Variants in COL5A2 observed in about 807,000 individuals in gnomAD.
COL5A2 encodes the protein collagen alpha-2(V) chain.
A neutral mutation model predicts 208.2 loss-of-function variants in COL5A2; 23 were observed. The observed-to-expected ratio is 0.11, with a 90% CI of 0.08 to 0.16. COL5A2 has a LOEUF of 0.16. Ranked by LOEUF, COL5A2 falls within the 10% of genes least tolerant of loss-of-function variation. The probability of loss-of-function intolerance (pLI) is 1.00; values close to 1 mark genes in which losing one functional copy is unlikely to be tolerated. For missense variants in COL5A2, 1,590 were observed against 1,956.4 expected, an observed-to-expected ratio of 0.81 and a Z score of 3.53; for synonymous variants, 625 against 628.5, an observed-to-expected ratio of 0.99 and a Z score of 0.08.
intron 16 of COL5A2, among the ~76,000 whole-genome samples, chr2:189,076,153 T>G (rs939936032): frequency 1.3e-5 from 2 of 152,200 alleles, no homozygotes; most frequent in Non-Finnish European, 2.9e-5. Context: ...CATTCCTTCC[T>G]TCAAAAATAC....
At chr2:189,145,536 A>G (rs1178407089) in intron 1 of COL5A2, among the ~76,000 whole-genome samples, 3 of 152,122 alleles carry the variant, frequency 2.0e-5, no homozygotes, top group Non-Finnish European at 4.4e-5. Context: ...AACTTTATGA[A>G]CACAAAAACC....
intron 1 of COL5A2, among the ~76,000 whole-genome samples, chr2:189,203,555 T>C (rs1202318595): frequency 1.3e-5 from 2 of 152,250 alleles, no homozygotes; most frequent in Non-Finnish European, 2.9e-5. Context: ...GAATCTGTCA[T>C]CTGTACTAAG....
At chr2:189,396,795 C>T in the COL5A2 span, among the ~76,000 whole-genome samples, 1 of 151,442 alleles carries the variant, frequency 6.6e-6, no homozygotes, top group African/African-American at 2.4e-5. Flanking sequence ...GAGTTTGAGA[C>T]CAATCTGACC....
At chr2:189,209,371 G>A (rs1209927671) in intron 1 of COL5A2, among the ~76,000 whole-genome samples, 4 of 152,186 alleles carry the variant, frequency 2.6e-5, no homozygotes, top group Non-Finnish European at 5.9e-5. Context: ...GGCTATCCGA[G>A]TGAAGATTGA....
intron 1 of COL5A2, among the ~76,000 whole-genome samples, chr2:189,190,375 T>C (rs1440531043): frequency 6.6e-6 from 1 of 152,196 alleles, no homozygotes; most frequent in Non-Finnish European, 1.5e-5. Context: ...TTCACTTCCA[T>C]AATTTTGGAA....
At chr2:189,147,474 T>C (rs1688062360) in intron 1 of COL5A2, among the ~76,000 whole-genome samples, 1 of 152,110 alleles carries the variant, frequency 6.6e-6, no homozygotes, top group African/African-American at 2.4e-5. Flanking sequence ...ACTATCTTCT[T>C]AACACAATAC....
the COL5A2 span, among the ~76,000 whole-genome samples, chr2:189,252,754 T>TAAC: frequency 6.6e-6 from 1 of 151,070 alleles, no homozygotes; most frequent in African/African-American, 2.4e-5. Flanking sequence ...TATTAAAGTA[T>TAAC]AATAAAAAAT....
In COL5A2 at chr2:189,186,279, G is replaced by C. The variant is rs185344915; in HGVS notation, c.-42+38869C>G. ...CCCAAAGTGCTGGGATTACAGACAT[G>C]AGCCACTTTATCAAGCCAACAAACC... On this transcript the variant is annotated intron_variant, in intron 1 of 10. Coordinates refer to the COL5A2 transcript ENST00000649966. Among the ~76,000 whole-genome samples the C allele has an allele frequency of 2.2e-3, 335 of 152,104 alleles. 2 individuals carry two copies. Among genetic ancestry groups the C allele is most frequent in the African/African-American group, 7.8e-3 (325 of 41,468 alleles).
the COL5A2 span, among the ~76,000 whole-genome samples, chr2:189,345,974 A>G: frequency 6.6e-6 from 1 of 152,196 alleles, no homozygotes; most frequent in East Asian, 1.9e-4. Context: ...TAAAGAAGTA[A>G]TTGACTTTAA....
the COL5A2 span, among the ~76,000 whole-genome samples, chr2:189,360,520 T>C: frequency 6.6e-6 from 1 of 152,216 alleles, no homozygotes; most frequent in South Asian, 2.1e-4. Flanking sequence ...TGTTATTTAA[T>C]TTTTATGAAT....
intron 1 of COL5A2, among the ~76,000 whole-genome samples, chr2:189,127,765 G>A (rs767505699): frequency 3.9e-5 from 6 of 152,076 alleles, no homozygotes; most frequent in South Asian, 2.1e-4. Context: ...CCATTTACAT[G>A]TGTATCAAAT....
At chr2:189,389,186 C>T in the COL5A2 span, among the ~76,000 whole-genome samples, 5 of 152,098 alleles carry the variant, frequency 3.3e-5, no homozygotes, top group Admixed American at 6.5e-5. Flanking sequence ...GTAAGCCCTT[C>T]GCTGTAGCTA....
intron 2 of COL5A2, among the ~76,000 whole-genome samples, chr2:189,107,393 T>C (rs895384457): frequency 2.6e-5 from 4 of 151,632 alleles, no homozygotes; most frequent in African/African-American, 9.7e-5. Context: ...TCTTTCATGT[T>C]GTTTTACTTT....
chr2:189,397,029 T>C, the COL5A2 span, among the ~76,000 whole-genome samples: 1 of 150,004 alleles, frequency 6.7e-6, no homozygotes, highest in Non-Finnish European at 1.5e-5. Context: ...GATAATTATA[T>C]AAACGTTTCT....
chr2:189,303,127 C>A, the COL5A2 span, among the ~76,000 whole-genome samples: 1,357 of 152,232 alleles, frequency 8.9e-3, 27 homozygotes, highest in African/African-American at 0.031. Context: ...AGCCACAGTG[C>A]ATGATAAGTG....
At chr2:189,098,583 T>G (rs1438599158) in intron 5 of COL5A2, 144 bp downstream of exon 5, 1 of 684,786 alleles carries the variant, frequency 1.5e-6, no homozygotes, top group Non-Finnish European at 2.6e-6. Flanking sequence ...ATGTCTAACT[T>G]GAAGATGGTT....
intron 47 of COL5A2, among the ~76,000 whole-genome samples, chr2:189,043,891 T>G (rs970621249): frequency 6.6e-6 from 1 of 152,236 alleles, no homozygotes; most frequent in Non-Finnish European, 1.5e-5. Context: ...AAGCTTGATC[T>G]ACGGCTACAA....
At chr2:189,371,449 G>A in the COL5A2 span, among the ~76,000 whole-genome samples, 3 of 152,186 alleles carry the variant, frequency 2.0e-5, no homozygotes, top group African/African-American at 7.2e-5. Context: ...GAACTTCTTA[G>A]AGAAGTGTTA....
upstream of COL5A2, among the ~76,000 whole-genome samples, chr2:189,183,091 T>C (rs924387805): frequency 6.6e-6 from 1 of 152,208 alleles, no homozygotes; most frequent in South Asian, 2.1e-4. Flanking sequence ...CCTTCTTCTT[T>C]CAGTAATCCT....
Sources: gnomAD v4.1 joint callset for allele counts (sites outside exome capture counted in the v4.1 genomes callset) on GRCh38, gnomAD v4.1.1 for gene constraint, MANE v1.5 for transcripts, NCBI Gene and HGNC (gene_info 2026-07-23, HGNC 2026-07-21) for gene names.